B3GALT1: variants seen among roughly 807,000 people sequenced by gnomAD.
B3GALT1 encodes the protein UDP-Gal:betaGlcNAc beta 1,3-galactosyltransferase, polypeptide 1.
B3GALT1 carries 10 observed loss-of-function variants against 23.2 expected under a neutral mutation model. The ratio of observed to expected loss-of-function variants is 0.43; its 90% CI spans 0.27 to 0.73. The LOEUF (loss-of-function observed/expected upper bound fraction) is 0.73. Ranked by LOEUF, B3GALT1 falls within the 30% of genes least tolerant of loss-of-function variation. The pLI, the probability that B3GALT1 is intolerant of heterozygous loss-of-function variation, is 0.21. For missense variants in B3GALT1, 299 were observed against 405.4 expected (o/e 0.74, Z 2.25); for synonymous variants, 156 against 141.5 (o/e 1.10, Z -0.73).
chr2:167,860,008 A>C (rs1265757040), intron 4 of B3GALT1, among the ~76,000 whole-genome samples: 1 of 152,186 alleles, frequency 6.6e-6, no homozygotes, highest in East Asian at 1.9e-4. Context: ...TCTAGTGCTA[A>C]TAGTGTTTTA....
chr2:167,406,324 C>T (rs1012764034), intron 1 of B3GALT1, among the ~76,000 whole-genome samples: 2 of 152,100 alleles, frequency 1.3e-5, no homozygotes, highest in African/African-American at 2.4e-5. Flanking sequence ...TTCATTCACT[C>T]CCCACCACAG....
chr2:167,701,828 G>A (rs1686885836), intron 3 of B3GALT1, among the ~76,000 whole-genome samples: 2 of 152,164 alleles, frequency 1.3e-5, no homozygotes, highest in African/African-American at 4.8e-5. Context: ...CTATTTGGCA[G>A]CCATCAACAT....
intron 2 of B3GALT1, among the ~76,000 whole-genome samples, chr2:167,542,887 A>G (rs1574127760): frequency 2.6e-5 from 4 of 151,336 alleles, no homozygotes; most frequent in Admixed American, 6.6e-5. Flanking sequence ...TTGTTTATTT[A>G]TTTGTACCCT....
intron 1 of B3GALT1, among the ~76,000 whole-genome samples, chr2:167,355,328 A>C (rs1165177361): frequency 1.3e-5 from 2 of 152,246 alleles, no homozygotes; most frequent in Non-Finnish European, 2.9e-5. Flanking sequence ...ATTACTGCAG[A>C]AACAGAATTG....
chr2:167,504,969 A>C (rs977261976), intron 2 of B3GALT1, among the ~76,000 whole-genome samples: 1 of 152,200 alleles, frequency 6.6e-6, no homozygotes, highest in Non-Finnish European at 1.5e-5. Context: ...ATGCATGACT[A>C]TATGTACAGC....
At chr2:167,855,162 C>T (rs1372888319) in intron 4 of B3GALT1, among the ~76,000 whole-genome samples, 2 of 152,100 alleles carry the variant, frequency 1.3e-5, no homozygotes, top group Non-Finnish European at 2.9e-5. Flanking sequence ...ACCCTTAAGC[C>T]AAGGTGAAAT....
chr2:167,376,475 C>T (rs536600190), intron 1 of B3GALT1, among the ~76,000 whole-genome samples: 1 of 152,158 alleles, frequency 6.6e-6, no homozygotes, highest in East Asian at 1.9e-4. Context: ...TGGTCCAGGG[C>T]TTTCTTGGGT....
At chr2:167,391,028 T>C (rs768528183) in intron 1 of B3GALT1, among the ~76,000 whole-genome samples, 12 of 152,202 alleles carry the variant, frequency 7.9e-5, no homozygotes, top group Non-Finnish European at 1.8e-4. Flanking sequence ...AAACTTGCTT[T>C]AAGATTTCTC....
At chr2:167,660,141 A>G (rs1012142776) in intron 3 of B3GALT1, among the ~76,000 whole-genome samples, 1 of 152,118 alleles carries the variant, frequency 6.6e-6, no homozygotes, top group African/African-American at 2.4e-5. Context: ...TTTGAAGTTT[A>G]TGCAGCATGT....
At chr2:167,576,657 T>C (rs1415153313) in intron 2 of B3GALT1, among the ~76,000 whole-genome samples, 1 of 151,370 alleles carries the variant, frequency 6.6e-6, no homozygotes, top group African/African-American at 2.4e-5. Context: ...TCACTAAATA[T>C]GTGACTAAAT....
intron 1 of B3GALT1, among the ~76,000 whole-genome samples, chr2:167,356,395 G>A (rs1045345764): frequency 6.6e-6 from 1 of 152,154 alleles, no homozygotes; most frequent in African/African-American, 2.4e-5. Context: ...GATTATTGTT[G>A]TCTTGAAACT....
intron 3 of B3GALT1, among the ~76,000 whole-genome samples, chr2:167,650,032 T>A (rs958292021): frequency 9.9e-5 from 15 of 152,098 alleles, no homozygotes; most frequent in African/African-American, 3.4e-4. Context: ...CACCACTGTA[T>A]ATGATGTTAG....
In B3GALT1 at chr2:167,615,013, A is replaced by G. The variant is rs533554293; in HGVS notation, c.-409-31896A>G. On this transcript the variant is annotated intron_variant, in intron 2 of 4. Transcript: ENST00000392690. The stretch of plus-strand genomic sequence containing the variant: ...AAACACAGGAGTTTAAAAATAAATA[A>G]TGTTTTGAAAATGGACTGCCTAAGC... Among the ~76,000 whole-genome samples, 12 of 152,136 alleles carry G rather than the reference A, an allele frequency of 7.9e-5. No homozygotes were observed. The South Asian group carries it at 2.5e-3, about 31-fold the overall frequency.
intron 1 of B3GALT1, among the ~76,000 whole-genome samples, chr2:167,390,027 A>G (rs1244036595): frequency 6.6e-6 from 1 of 152,166 alleles, no homozygotes; most frequent in Non-Finnish European, 1.5e-5. Flanking sequence ...AGGACGCATC[A>G]AGGCAGAAGC....
intron 2 of B3GALT1, among the ~76,000 whole-genome samples, chr2:167,564,453 G>C (rs1205057754): frequency 1.3e-5 from 2 of 151,940 alleles, no homozygotes; most frequent in African/African-American, 2.4e-5. Context: ...CCACCTCCCA[G>C]ACGGGGTGGC....
chr2:167,591,782 T>G (rs1271033084), intron 2 of B3GALT1, among the ~76,000 whole-genome samples: 2 of 151,844 alleles, frequency 1.3e-5, no homozygotes, highest in Non-Finnish European at 2.9e-5. Flanking sequence ...CTGACCTGTT[T>G]TTGTTGTTGT....
At chr2:167,738,841 G>A (rs1368367453) in intron 3 of B3GALT1, among the ~76,000 whole-genome samples, 2 of 152,150 alleles carry the variant, frequency 1.3e-5, no homozygotes, top group South Asian at 4.1e-4. Context: ...CCAAAAAATA[G>A]TTGCACGTTG....
intron 1 of B3GALT1, among the ~76,000 whole-genome samples, chr2:167,393,595 GACA>G (rs1314880516): frequency 5.3e-5 from 8 of 152,130 alleles, no homozygotes; most frequent in African/African-American, 1.9e-4. Flanking sequence ...GGTAAATTAT[GACA>G]ACAATTTAAA....
At chr2:167,518,872 T>C (rs573633624) in intron 2 of B3GALT1, among the ~76,000 whole-genome samples, 32 of 152,172 alleles carry the variant, frequency 2.1e-4, no homozygotes, top group South Asian at 4.1e-4. Context: ...GGAAGCACAT[T>C]GGTTAGAATA....
Sources: allele counts gnomAD v4.1 joint callset (sites outside exome capture counted in the v4.1 genomes callset), GRCh38; gene constraint gnomAD v4.1.1; transcripts MANE v1.5; gene names NCBI Gene and HGNC (gene_info 2026-07-23, HGNC 2026-07-21).